The following CENPO variants were observed in gnomAD, a reference collection of about 807,000 sequenced individuals.
CENPO encodes centromere protein O.
Under a neutral mutation model 36.1 loss-of-function variants are expected in CENPO, and 30 were observed. The ratio of observed to expected loss-of-function variants is 0.83; its 90% CI spans 0.62 to 1.13. The LOEUF (loss-of-function observed/expected upper bound fraction) is 1.13, where lower values mean the gene tolerates loss of function less well. Ranked by LOEUF, CENPO falls within the 50% of genes most tolerant of loss-of-function variation. The probability of loss-of-function intolerance (pLI) is 0.00; values close to 1 mark genes in which losing one functional copy is unlikely to be tolerated. For synonymous variants in CENPO, 171 were observed against 142.3 expected (o/e 1.20, Z -1.44); for missense variants, 349 against 357.8 (o/e 0.98, Z 0.20).
intron 3 of CENPO, among the ~76,000 whole-genome samples, chr2:24,808,285 G>C (rs891653971): frequency 1.3e-5 from 2 of 151,892 alleles, no homozygotes; most frequent in Non-Finnish European, 2.9e-5. Flanking sequence ...GGCACGATCC[G>C]GCACCCTCCA....
intron 3 of CENPO, among the ~76,000 whole-genome samples, chr2:24,813,093 A>G (rs1354098559): frequency 6.6e-6 from 1 of 151,970 alleles, no homozygotes; most frequent in Non-Finnish European, 1.5e-5. Context: ...TAAAAATACA[A>G]AAATTAGCGA....
chr2:24,806,400 G>A (rs952941672), intron 3 of CENPO, among the ~76,000 whole-genome samples: 14 of 152,144 alleles, frequency 9.2e-5, no homozygotes, highest in Non-Finnish European at 2.1e-4. Flanking sequence ...GAAATCACCC[G>A]TCTTCTGCGT....
chr2:24,822,026 A>G lies in CENPO; in HGVS notation c.*2708A>G, dbSNP rs1572772812. 1 of 217,524 alleles carries G rather than the reference A, an allele frequency of 4.6e-6. No homozygotes were observed. The highest frequency in any genetic ancestry group is 9.1e-6 in the Non-Finnish European group (1 of 109,348). 13.5% of individuals were successfully genotyped at this position (217,524 alleles called of 1,614,324 possible). On this transcript the variant is annotated 3_prime_UTR_variant, in exon 8 of 8. Coordinates refer to ENST00000380834, the MANE Select transcript of CENPO (RefSeq NM_001322101.2). ...TGGACGTGTTTCTTTAACCTCATCCATATAATAGGGCCGTGGGATGGTTGT... is the reference window on the plus strand; with the variant it reads ...TGGACGTGTTTCTTTAACCTCATCCGTATAATAGGGCCGTGGGATGGTTGT...
At chr2:24,808,482 G>A (rs1273960986) in intron 3 of CENPO, among the ~76,000 whole-genome samples, 1 of 152,282 alleles carries the variant, frequency 6.6e-6, no homozygotes, top group South Asian at 2.1e-4. Context: ...GATTACAGGC[G>A]TGAGCCGCCG....
At position 24,819,696 on chromosome 2, in the gene CENPO, T is replaced by G; in HGVS notation, c.*378T>G. On this transcript the variant is annotated 3_prime_UTR_variant, in exon 8 of 8. Coordinates refer to ENST00000380834, the MANE Select transcript of CENPO (RefSeq NM_001322101.2). Reference sequence around the variant, plus strand: ...ACGGCAGGGATTGGAACGAGGGCTCTGGAAGGACTGTTCAGCCCTATGCCT... The same window carrying G: ...ACGGCAGGGATTGGAACGAGGGCTCGGGAAGGACTGTTCAGCCCTATGCCT... The G allele has an allele frequency of 2.2e-6, 1 of 463,318 alleles. No individual in the cohort carries two copies. The highest frequency in any genetic ancestry group is 3.3e-5 in the South Asian group (1 of 30,404). 28.7% of individuals were successfully genotyped at this position (463,318 alleles called of 1,614,324 possible). A position where few individuals can be genotyped will look rare whatever the true frequency, so the allele number is the denominator to read the frequency against.
At chr2:24,812,380 C>G (rs971410768) in intron 3 of CENPO, among the ~76,000 whole-genome samples, 4 of 151,800 alleles carry the variant, frequency 2.6e-5, no homozygotes, top group Non-Finnish European at 5.9e-5. Flanking sequence ...AATTTTAGAT[C>G]AATGTGGCTA....
At chr2:24,808,211 A>AT (rs1231464992) in intron 3 of CENPO, among the ~76,000 whole-genome samples, 8 of 151,594 alleles carry the variant, frequency 5.3e-5, no homozygotes, top group Non-Finnish European at 5.9e-5. Context: ...CAGGTATTTT[A>AT]TTTTTTTTAT....
At chr2:24,811,299 T>TTTTTTTTTTTG (rs1666672731) in intron 3 of CENPO, among the ~76,000 whole-genome samples, 1 of 141,196 alleles carries the variant, frequency 7.1e-6, no homozygotes, top group Admixed American at 7.0e-5. Context: ...TTTTTTTTTT[T>TTTTTTTTTTTG]GAGACGGAGC....
At chr2:24,811,281 A>C (rs1190701094) in intron 3 of CENPO, among the ~76,000 whole-genome samples, 41 of 38,366 alleles carry the variant, frequency 1.1e-3, no homozygotes, top group African/African-American at 2.3e-3. Flanking sequence ...TAGTCCATGA[A>C]CTTTTTTTTT....
chr2:24,803,914 ATGT>A (rs2148264951), intron 3 of CENPO, among the ~76,000 whole-genome samples: 1 of 152,188 alleles, frequency 6.6e-6, no homozygotes, highest in South Asian at 2.1e-4. Flanking sequence ...GATCTGTCTA[ATGT>A]TGATGGTGGG....
chr2:24,798,860 C>T (rs754265803), intron 2 of CENPO, among the ~76,000 whole-genome samples: 8 of 151,896 alleles, frequency 5.3e-5, no homozygotes, highest in East Asian at 1.9e-4. Flanking sequence ...TTTTGGATTC[C>T]GTCCCAAGGC....
At chr2:24,809,042 G>C (rs1262206074) in intron 3 of CENPO, among the ~76,000 whole-genome samples, 5 of 152,054 alleles carry the variant, frequency 3.3e-5, no homozygotes, top group African/African-American at 1.2e-4. Flanking sequence ...AAGCTGTTCA[G>C]ATTTCCTGTT....
Position 24,822,339 on chromosome 2 carries a change from T to G in CENPO, c.*3021T>G. On this transcript the variant is annotated 3_prime_UTR_variant, in exon 8 of 8. Transcript: ENST00000380834. ...TGTGTGTCTGTTCTGTTTCTCTGCT[T>G]GCCGAACTTTCTCAATAAACCCTAT... 2.1e-6 allele frequency: 2 copies of G among 932,896 alleles called. No homozygotes were observed. The highest frequency in any genetic ancestry group is 3.2e-6 in the Non-Finnish European group (2 of 628,530). The allele number at this position is 932,896 out of a possible 1,614,324, so 57.8% of individuals were successfully genotyped here. A position where few individuals can be genotyped will look rare whatever the true frequency, so the allele number is the denominator to read the frequency against.
At chr2:24,796,514 A>C (rs1363159584) in intron 2 of CENPO, among the ~76,000 whole-genome samples, 1 of 152,104 alleles carries the variant, frequency 6.6e-6, no homozygotes, top group East Asian at 1.9e-4. Context: ...TAATGAATAT[A>C]CAATTAAAAC....
chr2:24,814,487 T>G lies in CENPO; in HGVS notation c.328T>G (p.Phe110Val). 1 of 1,488,298 alleles carries G rather than the reference T, an allele frequency of 6.7e-7. No individual in the cohort carries two copies. The highest frequency in any genetic ancestry group is 2.3e-5 in the East Asian group (1 of 44,316). 92.2% of individuals were successfully genotyped at this position (1,488,298 alleles called of 1,614,324 possible). ...GAAAGCCATTCTGCAGGCATATCAT[T>G]TTACAGGTTTTGTTTGTTTTTTTAA... ...NVKAILQAYH[F>V]TGLSGKLTSR... is the part of the protein sequence containing the mutation. The change falls in exon 4 of 8, where the codon TTT (phenylalanine) becomes GTT (valine). Residue 110 changes from phenylalanine (F) to valine (V), a missense_variant. Coordinates refer to ENST00000380834, the MANE Select transcript of CENPO (RefSeq NM_001322101.2).
chr2:24,802,454 G>A (rs1283890339), intron 3 of CENPO, among the ~76,000 whole-genome samples: 33 of 152,148 alleles, frequency 2.2e-4, no homozygotes, highest in African/African-American at 7.5e-4. Flanking sequence ...GTGTGATATT[G>A]GCTGTGGGTT....
chr2:24,821,027 C>T lies in CENPO; in HGVS notation c.*1709C>T. 3.4e-6 allele frequency: 3 copies of T among 886,738 alleles called. No individual in the cohort carries two copies. The highest frequency in any genetic ancestry group is 1.9e-5 in the South Asian group (1 of 52,920). The allele number at this position is 886,738 out of a possible 1,614,324, so 54.9% of individuals were successfully genotyped here. A position where few individuals can be genotyped will look rare whatever the true frequency, so the allele number is the denominator to read the frequency against. On this transcript the variant is annotated 3_prime_UTR_variant, in exon 8 of 8. Transcript: ENST00000380834. ...ATCACATCTCCTGTTTATCCGTGTGCTTGTTAGGTGTCAGCCGCCACCCCC... is the reference window on the plus strand; with the variant it reads ...ATCACATCTCCTGTTTATCCGTGTGTTTGTTAGGTGTCAGCCGCCACCCCC...
In CENPO at chr2:24,821,628, C is replaced by T. The variant is rs750980912; in HGVS notation, c.*2310C>T. 17 of 1,614,044 alleles carry T rather than the reference C, an allele frequency of 1.1e-5. No individual in the cohort carries two copies. The highest frequency in any genetic ancestry group is 2.2e-5 in the East Asian group (1 of 44,890). ...GCCAGGTGCTGCCAGCGCTCTCTCT[C>T]GGACTTGTCTTCCTGTGCCAGGGGA... On this transcript the variant is annotated 3_prime_UTR_variant, in exon 8 of 8. Coordinates refer to ENST00000380834, the MANE Select transcript of CENPO (RefSeq NM_001322101.2).
At chr2:24,805,158 C>T (rs1666338731) in intron 3 of CENPO, among the ~76,000 whole-genome samples, 1 of 152,206 alleles carries the variant, frequency 6.6e-6, no homozygotes, top group Admixed American at 6.5e-5. Flanking sequence ...GGGTCTCACG[C>T]CATGGTTTTC....
Sources: gnomAD v4.1 joint callset for allele counts (sites outside exome capture counted in the v4.1 genomes callset) on GRCh38, gnomAD v4.1.1 for gene constraint, MANE v1.5 for transcripts, NCBI Gene and HGNC (gene_info 2026-07-23, HGNC 2026-07-21) for gene names.